RNPC3: variants seen among roughly 807,000 people sequenced by gnomAD.
RNPC3 encodes the protein RNA binding region (RNP1, RRM) containing 3, also known as RNA-binding region-containing protein 3.
RNPC3 carries 48 observed loss-of-function variants against 67.5 expected under a neutral mutation model. The ratio of observed to expected loss-of-function variants is 0.71; its 90% CI spans 0.56 to 0.90. RNPC3 has a LOEUF of 0.90. Ranked by LOEUF, RNPC3 falls within the 40% of genes least tolerant of loss-of-function variation. The pLI, the probability that RNPC3 is intolerant of heterozygous loss-of-function variation, is 0.00. For synonymous variants in RNPC3, 239 were observed against 210.3 expected, an observed-to-expected ratio of 1.14 and a Z score of -1.18; for missense variants, 637 against 626.1, an observed-to-expected ratio of 1.02 and a Z score of -0.19.
At position 103,551,748 on chromosome 1, in the gene RNPC3, C is replaced by G; in HGVS notation, c.1522C>G (p.Gln508Glu). The G allele has an allele frequency of 6.5e-7, 1 of 1,532,142 alleles. No individual in the cohort carries two copies. The highest frequency in any genetic ancestry group is 8.8e-7 in the Non-Finnish European group (1 of 1,136,384). 94.9% of individuals were successfully genotyped at this position (1,532,142 alleles called of 1,614,324 possible). A position where few individuals can be genotyped will look rare whatever the true frequency, so the allele number is the denominator to read the frequency against. The change falls in exon 14 of 15, where the codon CAA (glutamine) becomes GAA (glutamate). Residue 508 changes from glutamine (Q) to glutamate (E), a missense_variant. Gln to Glu is a conservative substitution (Grantham distance 29). Around this residue, in one of 3 missense-constraint regions of RNPC3, gnomAD observed 96 missense variants for 105.8 expected, o/e 0.91. Transcript: ENST00000423855. Reference protein sequence around the residue: ...VQFARSARPKQDPKEGKRKC With the variant: ...VQFARSARPKEDPKEGKRKC The stretch of plus-strand genomic sequence containing the variant: ...GTTTGCTCGATCTGCTAGACCAAAA[C>G]AAGATCCTAAGGAAGGAAAAAGAAA...
chr1:103,527,655 A>C, intron 1 of RNPC3, 40 bp from the exon 2 acceptor site: 1 of 1,458,024 alleles, frequency 6.9e-7, no homozygotes, highest in Non-Finnish European at 9.4e-7. Context: ...GAGAAACTGA[A>C]ATTATATTGG....
At chr1:103,546,216 T>A in intron 10 of RNPC3, 32 bp from the exon 11 acceptor site, 1 of 1,051,644 alleles carries the variant, frequency 9.5e-7, no homozygotes, top group South Asian at 2.1e-5. Flanking sequence ...AATATTTTAA[T>A]TTTATATCTT....
chr1:103,555,076 A>C lies in RNPC3; in HGVS notation c.*55A>C, dbSNP rs1421378908. ...GTCCTTCAAGTGCTTTCTAACTTTGAGAGGAAGAAATTGACCACCTGGACT... is the reference window on the plus strand; with the variant it reads ...GTCCTTCAAGTGCTTTCTAACTTTGCGAGGAAGAAATTGACCACCTGGACT... On this transcript the variant is annotated 3_prime_UTR_variant, in exon 15 of 15. Coordinates refer to ENST00000423855, the MANE Select transcript of RNPC3 (RefSeq NM_017619.4). 1 of 151,946 alleles carries C rather than the reference A, an allele frequency of 6.6e-6. No individual in the cohort carries two copies. The highest frequency in any genetic ancestry group is 1.5e-5 in the Non-Finnish European group (1 of 67,968). The allele number at this position is 151,946 out of a possible 1,614,324, so 9.4% of individuals were successfully genotyped here.
intron 12 of RNPC3, among the ~76,000 whole-genome samples, chr1:103,547,751 A>G (rs1486718257): frequency 6.6e-6 from 1 of 152,240 alleles, no homozygotes; most frequent in Non-Finnish European, 1.5e-5. Flanking sequence ...TAAATGTTAT[A>G]AAAGCTAATG....
intron 13 of RNPC3, 116 bp from the exon 14 acceptor site, chr1:103,551,605 G>T: frequency 1.8e-6 from 1 of 565,854 alleles, no homozygotes; most frequent in Non-Finnish European, 3.2e-6. Flanking sequence ...GAGGCAGGAG[G>T]CACTCAAGGT....
intron 2 of RNPC3, among the ~76,000 whole-genome samples, chr1:103,529,003 A>G (rs3922884): frequency 0.045 from 6,802 of 152,274 alleles, 228 homozygotes; most frequent in African/African-American, 0.083. Context: ...CTGGACTGCA[A>G]CTGTCTGAGA....
intron 5 of RNPC3, 99 bp downstream of exon 5, chr1:103,535,540 C>A: frequency 1.5e-6 from 1 of 687,570 alleles, no homozygotes; most frequent in Non-Finnish European, 2.4e-6. Flanking sequence ...TAATTCTAGA[C>A]AGCCAGTGAT....
intron 12 of RNPC3, among the ~76,000 whole-genome samples, chr1:103,548,523 CCAA>C (rs1651303916): frequency 6.6e-6 from 1 of 152,136 alleles, no homozygotes; most frequent in African/African-American, 2.4e-5. Context: ...GCTCCAGTTC[CCAA>C]CAAGTTCCAC....
chr1:103,551,790 A>G lies in RNPC3; in HGVS notation c.*10A>G. On this transcript the variant is annotated splice_region_variant and 3_prime_UTR_variant, in exon 14 of 15. Transcript: ENST00000423855. ...AAAAAGAAAGTGTTAAAAATTAATA[A>G]AGGTAAGTGTGAATAAAACATAATA... is the stretch of plus-strand genomic sequence containing the variant. The G allele has an allele frequency of 7.0e-7, 1 of 1,427,790 alleles. No individual in the cohort carries two copies. Among genetic ancestry groups the G allele is most frequent in the Non-Finnish European group, 9.5e-7 (1 of 1,048,882 alleles). The allele number at this position is 1,427,790 out of a possible 1,614,324, so 88.4% of individuals were successfully genotyped here.
At chr1:103,535,545 AGTGAT>A in intron 5 of RNPC3, 104 bp downstream of exon 5, 1 of 648,168 alleles carries the variant, frequency 1.5e-6, no homozygotes, top group Non-Finnish European at 2.6e-6. Flanking sequence ...CTAGACAGCC[AGTGAT>A]ACAGTATTTT....
chr1:103,547,563 CT>C (rs1651277335), intron 12 of RNPC3, among the ~76,000 whole-genome samples: 1 of 152,168 alleles, frequency 6.6e-6, no homozygotes, highest in African/African-American at 2.4e-5. Context: ...GATGCTGCAG[CT>C]TCTGATCCAA....
chr1:103,528,998 C>T (rs1047885698), intron 2 of RNPC3, among the ~76,000 whole-genome samples: 4 of 152,172 alleles, frequency 2.6e-5, no homozygotes, highest in African/African-American at 9.7e-5. Context: ...ATATACTGGA[C>T]TGCAACTGTC....
rs1651391202 is a variant in RNPC3 at position 103,551,705 on chromosome 1, A to G, written c.1495-16A>G. The stretch of plus-strand genomic sequence containing the variant: ...CTTGCATATTCATGAAGGAAACCTT[A>G]ATTTTAAATTATTAGCAGTTTGCTC... On this transcript the variant is annotated splice_polypyrimidine_tract_variant and intron_variant, in intron 13 of 14. Coordinates refer to ENST00000423855, the MANE Select transcript of RNPC3 (RefSeq NM_017619.4). 2 of 1,484,928 alleles carry G rather than the reference A, an allele frequency of 1.3e-6. No homozygotes were observed. The highest frequency in any genetic ancestry group is 2.8e-5 in the African/African-American group (2 of 70,544). 92.0% of individuals were successfully genotyped at this position (1,484,928 alleles called of 1,614,324 possible).
At chr1:103,535,303 G>T (rs1290024396) in intron 4 of RNPC3, 27 bp from the exon 5 acceptor site, 1 of 1,385,118 alleles carries the variant, frequency 7.2e-7, no homozygotes, top group Non-Finnish European at 9.9e-7. Flanking sequence ...GAAAACATAA[G>T]CATCTTAAAT....
At chr1:103,554,755 A>C (rs1352284673) in intron 14 of RNPC3, 1 of 152,708 alleles carries the variant, frequency 6.5e-6, no homozygotes, top group Middle Eastern at 3.4e-3. Context: ...TGCTACTATT[A>C]TTAGATCTGT....
chr1:103,544,373 T>A (rs547690546), intron 9 of RNPC3, among the ~76,000 whole-genome samples: 26 of 152,014 alleles, frequency 1.7e-4, no homozygotes, highest in African/African-American at 5.8e-4. Context: ...TACAATCTAG[T>A]TAGGGGTAGC....
intron 7 of RNPC3, among the ~76,000 whole-genome samples, chr1:103,539,041 A>T (rs187889703): frequency 1.3e-5 from 2 of 152,180 alleles, no homozygotes; most frequent in African/African-American, 4.8e-5. Context: ...AAGCATCCAT[A>T]GATAGTATAC....
intron 2 of RNPC3, among the ~76,000 whole-genome samples, chr1:103,529,096 G>A (rs1650780132): frequency 6.6e-6 from 1 of 152,096 alleles, no homozygotes; most frequent in Non-Finnish European, 1.5e-5. Context: ...TATATATGAT[G>A]TAACCTCAGA....
Position 103,526,144 on chromosome 1 carries a change from G to A in RNPC3, c.74G>A (p.Gly25Asp). 3 of 1,551,430 alleles carry A rather than the reference G, an allele frequency of 1.9e-6. No individual in the cohort carries two copies. In the African/African-American group the frequency reaches 4.1e-5, roughly 21 times the overall value. The change falls in exon 1 of 15, where the codon GGC becomes GAC. Residue 25 changes from glycine to aspartate, a missense_variant. Coordinates refer to ENST00000423855, the MANE Select transcript of RNPC3 (RefSeq NM_017619.4). ...TSSSSLSPPR[G>D]DRTLLVRHLP... ...TCCTCCTCGCTTTCCCCGCCTCGGG[G>A]CGACCGAACCCTTCTGGTCAGGCAC...
Sources: gnomAD v4.1 joint callset for allele counts (sites outside exome capture counted in the v4.1 genomes callset) on GRCh38, gnomAD v4.1.1 for gene constraint, gnomAD v4.1.1 regional missense constraint, MANE v1.5 for transcripts, NCBI Gene and HGNC (gene_info 2026-07-23, HGNC 2026-07-21) for gene names.